RNF220: variants seen among roughly 807,000 people sequenced by gnomAD.
RNF220 encodes the protein E3 ubiquitin-protein ligase RNF220.
A neutral mutation model predicts 67.1 loss-of-function variants in RNF220; 7 were observed. The ratio of observed to expected loss-of-function variants is 0.10; its 90% confidence interval spans 0.06 to 0.20. RNF220 has a LOEUF of 0.20. Among genes scored for constraint, RNF220 ranks in the 10% least tolerant of loss-of-function variants. The pLI is 1.00. For missense variants in RNF220, 565 were observed against 740.3 expected (o/e 0.76, Z 2.75); for synonymous variants, 270 against 283.2 (o/e 0.95, Z 0.47).
chr1:44,606,234 A>T lies in RNF220; in HGVS notation c.626-7931A>T, dbSNP rs1262093213. ...CTGGGGAATGCCAATATACGATGACAGATCACATATTGATGAAATCCAGAT... is the reference window on the plus strand; with the variant it reads ...CTGGGGAATGCCAATATACGATGACTGATCACATATTGATGAAATCCAGAT... On this transcript the variant is annotated intron_variant, in intron 2 of 14. Coordinates refer to ENST00000361799, the MANE Select transcript of RNF220 (RefSeq NM_018150.4). The surrounding 1 kb of genome is among the most constrained non-coding windows in gnomAD (Gnocchi z 4.2). Among the ~76,000 whole-genome samples, 2 of 152,258 alleles carry T rather than the reference A, an allele frequency of 1.3e-5. No individual in the cohort carries two copies. Among genetic ancestry groups the T allele is most frequent in the Non-Finnish European group, 2.9e-5 (2 of 68,046 alleles).
intron 2 of RNF220, among the ~76,000 whole-genome samples, chr1:44,456,858 T>C (rs1365380284): frequency 2.0e-5 from 3 of 152,074 alleles, no homozygotes; most frequent in Non-Finnish European, 4.4e-5. Context: ...CCATCTGGGG[T>C]AGGACATCCT....
chr1:44,421,589 T>C (rs1649219420), intron 2 of RNF220, among the ~76,000 whole-genome samples: 1 of 98,126 alleles, frequency 1.0e-5, no homozygotes, highest in Non-Finnish European at 1.9e-5. Flanking sequence ...GCAGCAGGAC[T>C]GAGATGGGGG....
At chr1:44,623,966 C>A (rs1363709108) in intron 4 of RNF220, among the ~76,000 whole-genome samples, 1 of 152,236 alleles carries the variant, frequency 6.6e-6, no homozygotes, top group African/African-American at 2.4e-5. Context: ...GCCAGAGTGA[C>A]AAGTATCACT....
intron 5 of RNF220, 57 bp from the exon 6 acceptor site, chr1:44,632,286 A>C: frequency 6.2e-7 from 1 of 1,613,814 alleles, no homozygotes; most frequent in Non-Finnish European, 8.5e-7. Context: ...CCAGGACTGC[A>C]GGCCGCGCCT....
At chr1:44,471,799 G>A (rs914940233) in intron 2 of RNF220, among the ~76,000 whole-genome samples, 16 of 151,474 alleles carry the variant, frequency 1.1e-4, no homozygotes, top group African/African-American at 3.2e-4. Context: ...ACTCCAGCTT[G>A]GGCAACAAGA....
At chr1:44,495,104 TC>T (rs1200845356) in intron 2 of RNF220, among the ~76,000 whole-genome samples, 7 of 152,106 alleles carry the variant, frequency 4.6e-5, no homozygotes, top group Non-Finnish European at 8.8e-5. Flanking sequence ...TCCCAGCTAC[TC>T]CGGAGGCTGA....
intron 2 of RNF220, among the ~76,000 whole-genome samples, chr1:44,536,064 C>CTTCTCTACTTCCCAA (rs1553240307): frequency 6.6e-6 from 1 of 152,176 alleles, no homozygotes; most frequent in Non-Finnish European, 1.5e-5. Context: ...AGAAAGGGGT[C>CTTCTCTACTTCCCAA]TTCTCTACTT....
intron 2 of RNF220, among the ~76,000 whole-genome samples, chr1:44,603,898 C>T (rs1391153539): frequency 2.6e-5 from 4 of 152,276 alleles, no homozygotes; most frequent in Non-Finnish European, 5.9e-5. Context: ...ACGGTCCACC[C>T]ATCAGCCTAG....
In RNF220 at chr1:44,417,762, C is replaced by G. The variant is rs1046878455; in HGVS notation, c.625+5040C>G. On this transcript the variant is annotated intron_variant, in intron 2 of 14. Transcript: ENST00000361799. The surrounding 1 kb of genome is among the most constrained non-coding windows in gnomAD (Gnocchi z 4.0). ...GTAATTGATCTTCTGGGGGAGGGGG[C>G]GCGGAGAGGCGCGAGAACTGGCCCC... Among the ~76,000 whole-genome samples the G allele has an allele frequency of 6.6e-6, 1 of 152,172 alleles. No homozygotes were observed. Among genetic ancestry groups the G allele is most frequent in the Non-Finnish European group, 1.5e-5 (1 of 68,016 alleles).
intron 2 of RNF220, among the ~76,000 whole-genome samples, chr1:44,585,135 C>T (rs1299800750): frequency 6.6e-6 from 1 of 152,178 alleles, no homozygotes; most frequent in Non-Finnish European, 1.5e-5. Context: ...TGTCATCTCC[C>T]GTCTCCTGAC....
At chr1:44,415,753 G>A (rs1015820905) in intron 2 of RNF220, among the ~76,000 whole-genome samples, 3 of 152,110 alleles carry the variant, frequency 2.0e-5, no homozygotes, top group Non-Finnish European at 4.4e-5. Flanking sequence ...TAGAGCAGAA[G>A]TTTTTATGAC....
intron 2 of RNF220, among the ~76,000 whole-genome samples, chr1:44,468,684 C>T (rs764225660): frequency 3.3e-5 from 5 of 152,080 alleles, no homozygotes; most frequent in Non-Finnish European, 4.4e-5. Flanking sequence ...GAGGCTGAGG[C>T]AGGTGGATTG....
Position 44,405,396 on chromosome 1 carries a change from C to T in RNF220, c.-252C>T, listed in dbSNP as rs1647242555. On this transcript the variant is annotated 5_prime_UTR_variant, in exon 1 of 15. Coordinates refer to ENST00000361799, the MANE Select transcript of RNF220 (RefSeq NM_018150.4). ...CCGCCTACTGCTGCTGCTGCTGCTG[C>T]CGCTGCCGCCGCCGCCGCCGCCGCT... 4.8e-6 allele frequency: 3 copies of T among 629,970 alleles called. No homozygotes were observed. The highest frequency in any genetic ancestry group is 6.5e-5 in the East Asian group (2 of 30,814). 39.0% of individuals were successfully genotyped at this position (629,970 alleles called of 1,614,324 possible).
chr1:44,488,339 G>T (rs1483817557), intron 2 of RNF220, among the ~76,000 whole-genome samples: 3 of 151,612 alleles, frequency 2.0e-5, no homozygotes, highest in African/African-American at 7.3e-5. Context: ...ATGTTGGCCA[G>T]GCTGGTCTCG....
chr1:44,413,378 C>G (rs537466991), intron 2 of RNF220, among the ~76,000 whole-genome samples: 2 of 152,306 alleles, frequency 1.3e-5, no homozygotes, highest in Admixed American at 1.3e-4. Context: ...GGACTAGACA[C>G]GGTTGACCTG....
chr1:44,615,836 A>G (rs1453671919), intron 3 of RNF220, among the ~76,000 whole-genome samples: 1 of 152,186 alleles, frequency 6.6e-6, no homozygotes, highest in East Asian at 1.9e-4. Context: ...CTAAAACAAC[A>G]TACATGTATT....
chr1:44,576,876 C>A (rs1664846074), intron 2 of RNF220, among the ~76,000 whole-genome samples: 1 of 152,176 alleles, frequency 6.6e-6, no homozygotes, highest in African/African-American at 2.4e-5. Context: ...CTCCTCTCTT[C>A]TCACCTCAGC....
At chr1:44,516,987 C>G (rs1659502533) in intron 2 of RNF220, among the ~76,000 whole-genome samples, 1 of 152,096 alleles carries the variant, frequency 6.6e-6, no homozygotes, top group Non-Finnish European at 1.5e-5. Context: ...TGGCACCTCC[C>G]CATCCACTTG....
At chr1:44,553,203 C>A (rs377142892) in intron 2 of RNF220, among the ~76,000 whole-genome samples, 1 of 151,502 alleles carries the variant, frequency 6.6e-6, no homozygotes, top group Non-Finnish European at 1.5e-5. Context: ...ACCCACTCTT[C>A]TAATAAGGTT....
Sources: gnomAD v4.1 joint callset for allele counts (sites outside exome capture counted in the v4.1 genomes callset) on GRCh38, gnomAD v4.1.1 for gene constraint, Gnocchi (gnomAD v3.1) non-coding constraint, MANE v1.5 for transcripts, NCBI Gene and HGNC (gene_info 2026-07-23, HGNC 2026-07-21) for gene names.